The following PHF21B variants were observed in gnomAD, a reference collection of about 807,000 sequenced individuals.
PHF21B encodes PHD finger protein 21B, also known as PHD finger protein 4.
In PHF21B, 22 loss-of-function variants were observed where a neutral mutation model predicts 62.2. The ratio of observed to expected loss-of-function variants is 0.35; its 90% CI spans 0.25 to 0.51. The LOEUF (loss-of-function observed/expected upper bound fraction) is 0.51. PHF21B is among the 20% of genes least tolerant of loss of function. The pLI, the probability that PHF21B is intolerant of heterozygous loss-of-function variation, is 0.97. For missense variants in PHF21B, 701 were observed against 707.9 expected (o/e 0.99, Z 0.11); for synonymous variants, 341 against 314.7 (o/e 1.08, Z -0.88).
intron 10 of PHF21B, among the ~76,000 whole-genome samples, chr22:44,886,363 AAAAG>A (rs1420414758): frequency 7.0e-6 from 1 of 143,598 alleles, no homozygotes; most frequent in African/African-American, 2.6e-5. Flanking sequence ...GTTGTGACAA[AAAAG>A]AAAGAAGAAA....
chr22:44,955,341 A>G (rs1292199017), intron 2 of PHF21B, among the ~76,000 whole-genome samples: 1 of 152,232 alleles, frequency 6.6e-6, no homozygotes. Context: ...TGTGACCTCA[A>G]AGTGAGAAGA....
chr22:44,899,539 G>A (rs4823408), intron 5 of PHF21B, among the ~76,000 whole-genome samples: 3,482 of 151,738 alleles, frequency 0.023, 56 homozygotes, highest in Non-Finnish European at 0.031. Context: ...GATCTGCCTG[G>A]CTCGCCTCCC....
At chr22:44,904,590 T>C (rs2147279520) in intron 5 of PHF21B, among the ~76,000 whole-genome samples, 1 of 96,222 alleles carries the variant, frequency 1.0e-5, no homozygotes, top group African/African-American at 3.9e-5. Flanking sequence ...AATTTTTTTC[T>C]TCATTTTGTG....
intron 4 of PHF21B, among the ~76,000 whole-genome samples, chr22:44,915,327 A>G (rs1179039865): frequency 1.3e-5 from 2 of 152,272 alleles, no homozygotes; most frequent in Non-Finnish European, 2.9e-5. Context: ...AGGGAATTCA[A>G]CTTTCAACAA....
chr22:45,008,630 C>T lies in PHF21B; in HGVS notation c.55-20G>A, dbSNP rs554133673. 21 of 1,548,892 alleles carry T rather than the reference C, an allele frequency of 1.4e-5. 1 individual carries two copies. The South Asian group carries it at 2.0e-4, about 15-fold the overall frequency. Reference sequence around the variant, plus strand: ...GCCGTTCTGCGGAAACACGGAGGAGCGGGCTCAGGCAGGCCACCCGGGGTC... The same window carrying T: ...GCCGTTCTGCGGAAACACGGAGGAGTGGGCTCAGGCAGGCCACCCGGGGTC... On this transcript the variant is annotated intron_variant, in intron 1 of 12. Transcript: ENST00000313237.
chr22:44,932,245 G>A (rs1251212595), intron 2 of PHF21B, among the ~76,000 whole-genome samples: 2 of 152,338 alleles, frequency 1.3e-5, no homozygotes, highest in African/African-American at 4.8e-5. Context: ...CAGATTGGGG[G>A]GCGAATGCCC....
intron 10 of PHF21B, among the ~76,000 whole-genome samples, chr22:44,887,156 CAA>C (rs565346064): frequency 2.0e-4 from 13 of 65,062 alleles, no homozygotes; most frequent in Admixed American, 7.7e-4. Context: ...AACTCCATCT[CAA>C]AAAAAAAAAA....
intron 6 of PHF21B, among the ~76,000 whole-genome samples, chr22:44,895,474 C>T (rs2071039779): frequency 6.6e-6 from 1 of 152,182 alleles, no homozygotes; most frequent in African/African-American, 2.4e-5. Context: ...TGGTGGCACA[C>T]ATGAAGTCCG....
Position 44,883,357 on chromosome 22 carries a change from T to A in PHF21B, c.1378-53A>T. The A allele has an allele frequency of 1.9e-6, 3 of 1,556,162 alleles. No homozygotes were observed. The South Asian group carries it at 3.5e-5, about 18-fold the overall frequency. On this transcript the variant is annotated intron_variant, in intron 12 of 12. Transcript: ENST00000313237. ...GTCTCAGTATTCGGCTCTACAGCCA[T>A]CCTGGGGCAGCCACCGTCTGGGCCC...
chr22:44,919,929 G>C (rs551105571), intron 3 of PHF21B, among the ~76,000 whole-genome samples: 1 of 152,338 alleles, frequency 6.6e-6, no homozygotes, highest in African/African-American at 2.4e-5. Context: ...TCCAGTCGGG[G>C]GGGACCCTGC....
At chr22:44,961,326 C>T (rs768733668) in intron 2 of PHF21B, among the ~76,000 whole-genome samples, 4 of 151,996 alleles carry the variant, frequency 2.6e-5, no homozygotes, top group African/African-American at 7.2e-5. Context: ...AGGTATACTT[C>T]GTGATGCTCA....
chr22:44,899,452 A>G (rs1197281869), intron 5 of PHF21B, among the ~76,000 whole-genome samples: 2 of 151,890 alleles, frequency 1.3e-5, no homozygotes, highest in Non-Finnish European at 2.9e-5. Flanking sequence ...TACCAAGCCC[A>G]GCTAATTTTT....
chr22:44,894,099 G>A (rs1272978409), intron 6 of PHF21B, among the ~76,000 whole-genome samples: 1 of 152,200 alleles, frequency 6.6e-6, no homozygotes, highest in African/African-American at 2.4e-5. Context: ...TCTGTGTGCA[G>A]CTGTGCTAGC....
intron 7 of PHF21B, among the ~76,000 whole-genome samples, chr22:44,891,584 G>C (rs1254667863): frequency 6.6e-6 from 1 of 152,152 alleles, no homozygotes; most frequent in Non-Finnish European, 1.5e-5. Context: ...GTCGGCAAAG[G>C]CTCTGCCTGC....
At chr22:44,987,018 G>A (rs1485878248) in intron 2 of PHF21B, among the ~76,000 whole-genome samples, 1 of 152,228 alleles carries the variant, frequency 6.6e-6, no homozygotes, top group Non-Finnish European at 1.5e-5. Flanking sequence ...TACCTCGAGA[G>A]AGGCTAAGAA....
At chr22:44,912,619 G>A (rs548343647) in intron 5 of PHF21B, among the ~76,000 whole-genome samples, 2 of 152,146 alleles carry the variant, frequency 1.3e-5, no homozygotes, top group African/African-American at 4.8e-5. Flanking sequence ...GTGGAACTGT[G>A]AGTTCTCCAT....
chr22:44,887,913 G>T, intron 10 of PHF21B, 50 bp downstream of exon 10: 1 of 1,385,930 alleles, frequency 7.2e-7, no homozygotes. Flanking sequence ...TGCCTACGGT[G>T]GGGACCTCCA....
intron 2 of PHF21B, among the ~76,000 whole-genome samples, chr22:44,980,018 A>G (rs11704678): frequency 0.2 from 28,039 of 137,356 alleles, 2,892 homozygotes; most frequent in Middle Eastern, 0.28. Flanking sequence ...ACAGTGAGCT[A>G]AGATCACGCC....
intron 2 of PHF21B, chr22:45,000,598 G>A (rs1180208666): frequency 1.3e-5 from 2 of 152,184 alleles, no homozygotes; most frequent in Non-Finnish European, 2.9e-5. Flanking sequence ...AAAATTCAAA[G>A]TTAATTGAAA....
Sources: allele counts gnomAD v4.1 joint callset (sites outside exome capture counted in the v4.1 genomes callset), GRCh38; gene constraint gnomAD v4.1.1; transcripts MANE v1.5; gene names NCBI Gene and HGNC (gene_info 2026-07-23, HGNC 2026-07-21).